Variants in EPHA6 observed in about 807,000 individuals in gnomAD.
EPHA6 encodes the protein ephrin type-A receptor 6.
EPHA6 carries 50 observed loss-of-function variants against 112.0 expected under a neutral mutation model. The ratio of observed to expected loss-of-function variants is 0.45; its 90% CI spans 0.36 to 0.56. EPHA6 has a LOEUF of 0.56. Among genes scored for constraint, EPHA6 ranks in the 20% least tolerant of loss-of-function variants. EPHA6 has a pLI of 0.00. For missense variants in EPHA6, 1,280 were observed against 1,417.4 expected, an observed-to-expected ratio of 0.90 and a Z score of 1.56; for synonymous variants, 529 against 490.7, an observed-to-expected ratio of 1.08 and a Z score of -1.03.
intron 5 of EPHA6, among the ~76,000 whole-genome samples, chr3:97,276,499 C>G (rs1458505415): frequency 6.6e-6 from 1 of 151,956 alleles, no homozygotes; most frequent in African/African-American, 2.4e-5. Context: ...GCGGTTCAGG[C>G]GTTTGGAAGT....
At chr3:96,947,187 A>G (rs1576134689) in intron 2 of EPHA6, among the ~76,000 whole-genome samples, 1 of 152,130 alleles carries the variant, frequency 6.6e-6, no homozygotes, top group East Asian at 1.9e-4. Context: ...GAGTTTAATT[A>G]GATCCCATTT....
intron 3 of EPHA6, among the ~76,000 whole-genome samples, chr3:97,083,587 A>G (rs1055951175): frequency 3.9e-5 from 6 of 151,966 alleles, no homozygotes; most frequent in Admixed American, 6.6e-5. Flanking sequence ...ATATTGATAA[A>G]TGATTCCCAG....
chr3:96,861,481 A>G (rs1004780001), intron 1 of EPHA6, among the ~76,000 whole-genome samples: 2 of 151,966 alleles, frequency 1.3e-5, no homozygotes, highest in African/African-American at 4.8e-5. Context: ...TTAAGAAGGG[A>G]CAGAGATATT....
rs1240521972 is a variant in EPHA6 at position 96,906,974 on chromosome 3, G to C, written c.450+40085G>C. ...GGTGGGAGTGGAGAATAATGAAGGA[G>C]AATGGAATGGGGTTCTAAGGAGATA... is the stretch of plus-strand genomic sequence containing the variant. On this transcript the variant is annotated intron_variant, in intron 2 of 17. Coordinates refer to ENST00000389672, the MANE Select transcript of EPHA6 (RefSeq NM_001080448.3). 1.3e-5 allele frequency among the ~76,000 whole-genome samples: 2 copies of C among 151,850 alleles called. 1 individual carries two copies. The highest frequency in any genetic ancestry group is 2.9e-5 in the Non-Finnish European group (2 of 67,942).
At chr3:97,708,640 T>A (rs2107756945) in intron 14 of EPHA6, among the ~76,000 whole-genome samples, 1 of 152,318 alleles carries the variant, frequency 6.6e-6, no homozygotes, top group South Asian at 2.1e-4. Context: ...GGGGAAAATG[T>A]CTCCAGGGCA....
chr3:96,972,330 T>C (rs546738331), intron 2 of EPHA6, among the ~76,000 whole-genome samples: 2 of 152,076 alleles, frequency 1.3e-5, no homozygotes, highest in East Asian at 3.9e-4. Context: ...CTTAATAGTT[T>C]TAGTATTAGA....
intron 3 of EPHA6, among the ~76,000 whole-genome samples, chr3:97,017,882 C>T (rs562938992): frequency 6.6e-6 from 1 of 151,842 alleles, no homozygotes; most frequent in South Asian, 2.1e-4. Flanking sequence ...CTTTCTATGC[C>T]TATCTTTTTC....
intron 3 of EPHA6, among the ~76,000 whole-genome samples, chr3:97,154,185 C>T (rs886729364): frequency 8.0e-5 from 12 of 150,802 alleles, no homozygotes; most frequent in African/African-American, 2.7e-4. Flanking sequence ...AAAAAAATAT[C>T]AGTCTTTGAT....
intron 6 of EPHA6, among the ~76,000 whole-genome samples, chr3:97,429,722 T>A (rs1440738527): frequency 6.6e-6 from 1 of 152,194 alleles, no homozygotes; most frequent in African/African-American, 2.4e-5. Context: ...TTCTATAATT[T>A]TAAACAAATC....
chr3:97,532,613 ATCT>A, intron 11 of EPHA6, 70 bp downstream of exon 11: 1 of 1,271,372 alleles, frequency 7.9e-7, no homozygotes, highest in Non-Finnish European at 1.1e-6. Flanking sequence ...AAAAGGAAAA[ATCT>A]TCATAATAAT....
intron 2 of EPHA6, among the ~76,000 whole-genome samples, chr3:96,893,556 A>T (rs183852888): frequency 6.6e-6 from 1 of 152,366 alleles, no homozygotes; most frequent in Non-Finnish European, 1.5e-5. Context: ...ATTGCACACC[A>T]GTCAGGCGTG....
rs1252006388 is a variant in EPHA6, at chr3:97,087,823, G to T, written c.1114+99830G>T. Among the ~76,000 whole-genome samples the T allele has an allele frequency of 2.6e-5, 4 of 152,098 alleles. No homozygotes were observed. In the South Asian group the frequency reaches 8.3e-4, roughly 32 times the overall value. ...TGTTCAATGTGATCATTACAACACA[G>T]TTCTCATTTATTGAGTACTGATCAG... is the stretch of plus-strand genomic sequence containing the variant. On this transcript the variant is annotated intron_variant, in intron 3 of 17. Coordinates refer to ENST00000389672, the MANE Select transcript of EPHA6 (RefSeq NM_001080448.3).
At chr3:97,738,158 A>AT (rs5851079) in intron 16 of EPHA6, among the ~76,000 whole-genome samples, 71,655 of 150,866 alleles carry the variant, frequency 0.47, 17,543 homozygotes, top group East Asian at 0.7. Flanking sequence ...CATAATACCA[A>AT]TTTTTTTTTT....
intron 15 of EPHA6, among the ~76,000 whole-genome samples, chr3:97,730,467 T>C (rs1425461786): frequency 1.3e-5 from 2 of 152,142 alleles, no homozygotes; most frequent in South Asian, 4.1e-4. Flanking sequence ...TTTAATTTTC[T>C]TCTTACATTA....
intron 5 of EPHA6, among the ~76,000 whole-genome samples, chr3:97,385,169 T>C (rs537441907): frequency 6.6e-6 from 1 of 152,156 alleles, no homozygotes; most frequent in Non-Finnish European, 1.5e-5. Context: ...ACCATAAAAA[T>C]TAGTATCTTT....
chr3:96,976,239 C>T (rs2042516491), intron 2 of EPHA6, among the ~76,000 whole-genome samples: 1 of 152,090 alleles, frequency 6.6e-6, no homozygotes, highest in Admixed American at 6.6e-5. Flanking sequence ...AATTTCTATT[C>T]ACTTTCCTCC....
intron 5 of EPHA6, among the ~76,000 whole-genome samples, chr3:97,369,756 A>G (rs181451211): frequency 2.6e-3 from 395 of 152,298 alleles, no homozygotes; most frequent in Middle Eastern, 0.01. Flanking sequence ...CTGATAATCA[A>G]TATATGTCCT....
intron 16 of EPHA6, among the ~76,000 whole-genome samples, chr3:97,742,345 T>C (rs1445130220): frequency 6.6e-6 from 1 of 152,160 alleles, no homozygotes; most frequent in Non-Finnish European, 1.5e-5. Flanking sequence ...CAGGGGTCTA[T>C]TACTCTGGCC....
chr3:97,114,024 C>T (rs760935712), intron 3 of EPHA6, among the ~76,000 whole-genome samples: 3 of 151,984 alleles, frequency 2.0e-5, no homozygotes, highest in Admixed American at 6.6e-5. Flanking sequence ...TTCCTGATCA[C>T]GAGGAGGAGG....
Sources: gnomAD v4.1 joint callset for allele counts (sites outside exome capture counted in the v4.1 genomes callset) on GRCh38, gnomAD v4.1.1 for gene constraint, MANE v1.5 for transcripts, NCBI Gene and HGNC (gene_info 2026-07-23, HGNC 2026-07-21) for gene names.